Variants in KALRN observed in about 807,000 individuals in gnomAD.
The protein encoded by KALRN is kalirin RhoGEF kinase.
KALRN carries 70 observed loss-of-function variants against 353.7 expected under a neutral mutation model. The observed-to-expected ratio is 0.20, with a 90% CI of 0.16 to 0.24. The LOEUF is 0.24. Ranked by LOEUF, KALRN falls within the 10% of genes least tolerant of loss-of-function variation. The pLI, the probability that KALRN is intolerant of heterozygous loss-of-function variation, is 1.00. For synonymous variants in KALRN, 1,391 were observed against 1,434.8 expected, an observed-to-expected ratio of 0.97 and a Z score of 0.69; for missense variants, 2,791 against 3,756.7, an observed-to-expected ratio of 0.74 and a Z score of 6.72.
chr3:124,658,267 G>T (rs1227948456), intron 41 of KALRN, among the ~76,000 whole-genome samples, 164 bp from the exon 42 acceptor site: 2 of 152,178 alleles, frequency 1.3e-5, no homozygotes. Context: ...GATTTGGAAA[G>T]TGGCTCTTGC....
chr3:124,596,481 C>CA (rs772259218), intron 34 of KALRN, among the ~76,000 whole-genome samples: 1 of 151,624 alleles, frequency 6.6e-6, no homozygotes, highest in East Asian at 1.9e-4. Flanking sequence ...AACAAACAAA[C>CA]AAAAAAACCC....
At chr3:124,577,607 C>G (rs1561326085) in intron 34 of KALRN, among the ~76,000 whole-genome samples, 1 of 152,162 alleles carries the variant, frequency 6.6e-6, no homozygotes, top group African/African-American at 2.4e-5. Context: ...CATATTTGGG[C>G]TGGACACAGT....
At chr3:124,677,004 G>T (rs1319375537) in intron 49 of KALRN, among the ~76,000 whole-genome samples, 1 of 152,108 alleles carries the variant, frequency 6.6e-6, no homozygotes. Context: ...GTGTGTTAGC[G>T]GATAAATATT....
At chr3:124,094,184 T>G (rs1399512711) in intron 1 of KALRN, 1 of 154,352 alleles carries the variant, frequency 6.5e-6, no homozygotes, top group Admixed American at 6.3e-5. Flanking sequence ...TTTGGACCCA[T>G]GACTGTGTGA....
At chr3:124,502,230 C>T (rs2064664264) in intron 33 of KALRN, among the ~76,000 whole-genome samples, 1 of 152,186 alleles carries the variant, frequency 6.6e-6, no homozygotes, top group African/African-American at 2.4e-5. Context: ...CTGAGATTCC[C>T]ATGCCTGTGA....
chr3:124,343,666 C>T (rs985873708), intron 9 of KALRN, among the ~76,000 whole-genome samples: 9 of 152,258 alleles, frequency 5.9e-5, no homozygotes, highest in East Asian at 3.9e-4. Context: ...TGGTTAAATC[C>T]TACTCTCTCT....
intron 37 of KALRN, among the ~76,000 whole-genome samples, chr3:124,641,255 G>T (rs2082015511): frequency 6.6e-6 from 1 of 152,000 alleles, no homozygotes; most frequent in African/African-American, 2.4e-5. Flanking sequence ...GACATTAATG[G>T]GCCCTTCTGT....
chr3:124,395,123 C>T lies in KALRN; in HGVS notation c.1963-12C>T. 6.2e-7 allele frequency: 1 copy of T among 1,603,448 alleles called. No individual in the cohort carries two copies. The highest frequency in any genetic ancestry group is 1.1e-5 in the South Asian group (1 of 90,474). ...ATCTTCCCTGAGTGGAATCTCTGCT[C>T]TCTCTCTACAGTTGTGGACATGGAT... On this transcript the variant is annotated splice_polypyrimidine_tract_variant and intron_variant, in intron 11 of 59. Transcript: ENST00000682506.
chr3:124,344,753 G>T (rs773371026), intron 9 of KALRN, among the ~76,000 whole-genome samples: 1 of 152,182 alleles, frequency 6.6e-6, no homozygotes, highest in South Asian at 2.1e-4. Flanking sequence ...AGCAATCAAA[G>T]TTATGTTAAA....
intron 1 of KALRN, among the ~76,000 whole-genome samples, chr3:124,184,483 A>G (rs1403198328): frequency 3.3e-5 from 5 of 152,162 alleles, no homozygotes; most frequent in Admixed American, 2.6e-4. Context: ...CTTGATCCCC[A>G]GCCTCTTCCC....
At chr3:124,310,426 A>T (rs1298371724) in intron 6 of KALRN, among the ~76,000 whole-genome samples, 1 of 152,218 alleles carries the variant, frequency 6.6e-6, no homozygotes, top group Non-Finnish European at 1.5e-5. Flanking sequence ...TCTAAAATTC[A>T]TGTGGAATTT....
At chr3:124,680,679 G>A (rs930455936) in intron 51 of KALRN, among the ~76,000 whole-genome samples, 15 of 152,198 alleles carry the variant, frequency 9.9e-5, no homozygotes, top group African/African-American at 2.7e-4. Flanking sequence ...CCTAAGAGCC[G>A]GTAAGTCAGC....
At chr3:124,614,296 T>G (rs2149592039) in intron 34 of KALRN, among the ~76,000 whole-genome samples, 1 of 150,786 alleles carries the variant, frequency 6.6e-6, no homozygotes, top group South Asian at 2.1e-4. Context: ...TGAGACAGGG[T>G]CTCACTCTGT....
intron 14 of KALRN, among the ~76,000 whole-genome samples, chr3:124,416,073 C>T (rs760380316): frequency 5.3e-5 from 8 of 152,138 alleles, no homozygotes; most frequent in East Asian, 1.9e-4. Flanking sequence ...TATGCAGCTA[C>T]GACTGGGAAC....
intron 25 of KALRN, among the ~76,000 whole-genome samples, chr3:124,469,849 C>T (rs764458237): frequency 9.2e-5 from 14 of 152,162 alleles, no homozygotes; most frequent in Non-Finnish European, 1.3e-4. Context: ...AGTCTGTTTG[C>T]TGACAAGATT....
chr3:124,494,097 A>G (rs2063463678), intron 32 of KALRN, among the ~76,000 whole-genome samples: 1 of 152,190 alleles, frequency 6.6e-6, no homozygotes, highest in African/African-American at 2.4e-5. Context: ...ACCCTGACAT[A>G]GCCCCTTTTT....
chr3:124,487,721 G>A (rs1477104947), intron 28 of KALRN, among the ~76,000 whole-genome samples: 1 of 152,232 alleles, frequency 6.6e-6, no homozygotes, highest in African/African-American at 2.4e-5. Flanking sequence ...ATGGAAGTCA[G>A]CATTCAGGCT....
chr3:124,714,498 C>T (rs2150802045), intron 58 of KALRN, among the ~76,000 whole-genome samples: 1 of 152,316 alleles, frequency 6.6e-6, no homozygotes, highest in South Asian at 2.1e-4. Flanking sequence ...AAGCAGAATA[C>T]TTAGTTTGCT....
chr3:124,274,910 A>G (rs2074543069), intron 5 of KALRN, among the ~76,000 whole-genome samples: 1 of 152,174 alleles, frequency 6.6e-6, no homozygotes, highest in African/African-American at 2.4e-5. Flanking sequence ...ATTCACATCC[A>G]TGGGTGCCAT....
Sources: allele counts gnomAD v4.1 joint callset (sites outside exome capture counted in the v4.1 genomes callset), GRCh38; gene constraint gnomAD v4.1.1; transcripts MANE v1.5; gene names NCBI Gene and HGNC (gene_info 2026-07-23, HGNC 2026-07-21).